Variants in MED6 observed in about 807,000 individuals in gnomAD.
MED6 encodes the protein mediator of RNA polymerase II transcription subunit 6.
Under a neutral mutation model 37.5 loss-of-function variants are expected in MED6, and 33 were observed. The observed-to-expected ratio is 0.88, with a 90% CI of 0.67 to 1.18. The LOEUF (loss-of-function observed/expected upper bound fraction) is 1.18. MED6 is among the 50% of genes most tolerant of loss of function. MED6 has a pLI of 0.00. For synonymous variants in MED6, 94 were observed against 93.6 expected (o/e 1.00, Z -0.02); for missense variants, 235 against 290.6 (o/e 0.81, Z 1.39).
At chr14:70,595,059 G>T in intron 3 of MED6, 1 of 552,708 alleles carries the variant, frequency 1.8e-6, no homozygotes, top group South Asian at 1.4e-5. Context: ...TCAAGTATGA[G>T]ACAGAGCTGG....
At chr14:70,593,741 T>C (rs1884955529) in intron 3 of MED6, among the ~76,000 whole-genome samples, 1 of 152,222 alleles carries the variant, frequency 6.6e-6, no homozygotes, top group Non-Finnish European at 1.5e-5. Context: ...TCAGTAGGGA[T>C]AGTGCATTTC....
intron 5 of MED6, 145 bp downstream of exon 5, chr14:70,592,735 C>T: frequency 1.3e-6 from 1 of 787,352 alleles, no homozygotes; most frequent in Non-Finnish European, 2.0e-6. Flanking sequence ...CATCTAGTTA[C>T]ATGAATCTCA....
At chr14:70,596,569 T>C (rs1885053562) in intron 3 of MED6, 42 bp downstream of exon 3, 3 of 1,453,594 alleles carry the variant, frequency 2.1e-6, no homozygotes, top group African/African-American at 1.4e-5. Context: ...TAAATTATGG[T>C]ATTTTAAAAA....
In MED6 at chr14:70,593,364, C is replaced by T. The variant is rs144354501; in HGVS notation, c.289G>A (p.Asp97Asn). The change falls in exon 4 of 8, where the codon GAT (aspartate) becomes AAT (asparagine). Residue 97 changes from aspartate to asparagine, a missense_variant. Transcript: ENST00000256379. ...QSPAQVIPLADYYIIAGVIYQ... is the reference protein window; with the variant it reads ...QSPAQVIPLANYYIIAGVIYQ... ...ATCACTCCAGCAATGATATAGTAAT[C>T]AGCTAGTGGGATAACTAAAACAGTG... The T allele has an allele frequency of 2.4e-4, 389 of 1,613,428 alleles. No homozygotes were observed. The highest frequency in any genetic ancestry group is 3.1e-4 in the Non-Finnish European group (369 of 1,179,628).
intron 3 of MED6, 103 bp downstream of exon 3, chr14:70,596,508 G>T: frequency 1.3e-6 from 1 of 797,352 alleles, no homozygotes; most frequent in Non-Finnish European, 2.0e-6. Context: ...TGGTCTTGGA[G>T]ACCCCCCAAA....
At chr14:70,595,673 C>T in intron 3 of MED6, 1 of 938,812 alleles carries the variant, frequency 1.1e-6, no homozygotes, top group South Asian at 1.3e-5. Context: ...AGATCACCAC[C>T]TACCGCCGCC....
intron 6 of MED6, 86 bp from the exon 7 acceptor site, chr14:70,585,869 T>C: frequency 9.6e-7 from 1 of 1,042,038 alleles, no homozygotes; most frequent in Non-Finnish European, 1.4e-6. Flanking sequence ...CTTCCTGATG[T>C]CATATTAATA....
chr14:70,592,649 A>G (rs1408240365), intron 5 of MED6: 1 of 353,058 alleles, frequency 2.8e-6, no homozygotes, highest in Non-Finnish European at 5.3e-6. Flanking sequence ...AAAACCTTGA[A>G]TCACCTTAAC....
chr14:70,593,171 G>A, intron 4 of MED6, 125 bp downstream of exon 4: 1 of 1,209,710 alleles, frequency 8.3e-7, no homozygotes, highest in Non-Finnish European at 1.2e-6. Flanking sequence ...CAAAGTTCAA[G>A]ACATTCTAAT....
At chr14:70,594,427 A>G (rs1402168022) in intron 3 of MED6, 2 of 219,090 alleles carry the variant, frequency 9.1e-6, no homozygotes, top group Non-Finnish European at 1.8e-5. Context: ...TATTAATTTG[A>G]TATGACCAGA....
chr14:70,596,824 T>C, intron 2 of MED6, 122 bp from the exon 3 acceptor site: 2 of 679,762 alleles, frequency 2.9e-6, no homozygotes, highest in Non-Finnish European at 4.8e-6. Context: ...TGCCTATGTT[T>C]GGTGTTATAA....
At chr14:70,595,635 C>T (rs1240844057) in intron 3 of MED6, 3 of 928,924 alleles carry the variant, frequency 3.2e-6, no homozygotes, top group Non-Finnish European at 5.1e-6. Context: ...CAAGGCCCTG[C>T]TGAACATCAA....
chr14:70,584,788 T>C lies in MED6; in HGVS notation c.*25A>G. On this transcript the variant is annotated 3_prime_UTR_variant, in exon 8 of 8. Coordinates refer to ENST00000256379, the MANE Select transcript of MED6 (RefSeq NM_005466.4). ...GTATGATAACTAGCATGAGGAGTCT[T>C]CCAGGCTTCTCTTTTGTCCAGTACT... The C allele has an allele frequency of 6.2e-7, 1 of 1,607,790 alleles. No homozygotes were observed.
At chr14:70,595,393 C>A in intron 3 of MED6, 1 of 567,788 alleles carries the variant, frequency 1.8e-6, no homozygotes, top group South Asian at 1.6e-5. Flanking sequence ...ACTATGCAGT[C>A]TGCCAAGGTT....
At position 70,584,927 on chromosome 14, in the gene MED6, T is replaced by C; in HGVS notation, c.627A>G (p.Lys209=). ...EKPVPVDQTK[K]EAEPIPETVK... is the part of the protein sequence containing the mutation. ...CAGTTTCTGGTATAGGTTCTGCCTC[T>C]TTCTTTGTTTGATCCACTAGATATC... Residue 209 remains lysine (K), a synonymous_variant, in exon 8 of 8, where the codon AAA becomes AAG. Transcript: ENST00000256379. The C allele has an allele frequency of 1.9e-6, 3 of 1,613,864 alleles. No homozygotes were observed. The highest frequency in any genetic ancestry group is 2.2e-5 in the South Asian group (2 of 91,020).
intron 2 of MED6, 41 bp downstream of exon 2, chr14:70,597,577 C>T: frequency 7.0e-7 from 1 of 1,418,752 alleles, no homozygotes; most frequent in Non-Finnish European, 9.2e-7. Context: ...CATTGCAAAA[C>T]TTGTATTTGG....
intron 3 of MED6, among the ~76,000 whole-genome samples, chr14:70,593,770 T>C (rs1177008917): frequency 4.6e-5 from 7 of 152,192 alleles, no homozygotes; most frequent in Admixed American, 4.6e-4. Context: ...TCCCAAAAGA[T>C]GCCAATACTG....
intron 6 of MED6, among the ~76,000 whole-genome samples, chr14:70,590,800 T>A (rs892012683): frequency 5.3e-5 from 8 of 152,224 alleles, no homozygotes; most frequent in African/African-American, 1.7e-4. Flanking sequence ...GGTATCTCTA[T>A]TCATCACTCC....
intron 1 of MED6, 86 bp from the exon 2 acceptor site, chr14:70,597,863 T>C (rs1484888788): frequency 8.3e-6 from 9 of 1,087,960 alleles, no homozygotes; most frequent in South Asian, 3.7e-5. Context: ...TCAAATGTAG[T>C]AGGCACTATG....
Sources: allele counts gnomAD v4.1 joint callset (sites outside exome capture counted in the v4.1 genomes callset), GRCh38; gene constraint gnomAD v4.1.1; transcripts MANE v1.5; gene names NCBI Gene and HGNC (gene_info 2026-07-23, HGNC 2026-07-21).